The following COQ8B variants were observed in gnomAD, a reference collection of about 807,000 sequenced individuals.
The protein encoded by COQ8B is atypical kinase COQ8B, mitochondrial.
COQ8B carries 44 observed loss-of-function variants against 62.0 expected under a neutral mutation model. The ratio of observed to expected loss-of-function variants is 0.71; its 90% CI spans 0.56 to 0.91. The LOEUF (loss-of-function observed/expected upper bound fraction) is 0.91. COQ8B is among the 40% of genes least tolerant of loss of function. COQ8B has a pLI of 0.00. For missense variants in COQ8B, 649 were observed against 731.6 expected (o/e 0.89, Z 1.30); for synonymous variants, 252 against 289.9 (o/e 0.87, Z 1.33).
In COQ8B at chr19:40,693,009, C is replaced by T; in HGVS notation, c.1238G>A (p.Arg413Lys). 1.2e-6 allele frequency: 2 copies of T among 1,614,042 alleles called. No individual in the cohort carries two copies. Among genetic ancestry groups the T allele is most frequent in the Non-Finnish European group, 1.7e-6 (2 of 1,179,918 alleles). Reference sequence around the variant, plus strand: ...CCTGGACTTCTGCAGGACACAGTCTCTGTCTCCATCAGCTGCAGCCTTCAC... The same window carrying T: ...CCTGGACTTCTGCAGGACACAGTCTTTGTCTCCATCAGCTGCAGCCTTCAC... ...EVVKAAADGD[R>K]DCVLQKSRDL... The change falls in exon 14 of 15, where the codon AGA becomes AAA. Residue 413 changes from arginine (R) to lysine (K), a missense_variant. Coordinates refer to ENST00000324464, the MANE Select transcript of COQ8B (RefSeq NM_024876.4).
rs201827222 is a variant in COQ8B at position 40,703,573 on chromosome 19, G to T, written c.767C>A (p.Ala256Glu). 1 of 1,609,776 alleles carries T rather than the reference G, an allele frequency of 6.2e-7. No homozygotes were observed. Residue 256 changes from alanine to glutamate, a missense_variant, in exon 9 of 15, where the codon GCG becomes GAG. Coordinates refer to ENST00000324464, the MANE Select transcript of COQ8B (RefSeq NM_024876.4). ...CAGGGCCGCGCTCATCTTGAGTACC[G>T]CCAGCAGGTTCTGGACATCGCTCTG... Reference protein sequence around the residue: ...SIQSDVQNLLAVLKMSAALPA... With the variant: ...SIQSDVQNLLEVLKMSAALPA...
chr19:40,699,586 G>A (rs1051960109), intron 12 of COQ8B, among the ~76,000 whole-genome samples: 7 of 152,202 alleles, frequency 4.6e-5, no homozygotes, highest in African/African-American at 2.4e-5. Context: ...TATGGATGAC[G>A]AGTGTGGTAG....
At chr19:40,696,522 A>G (rs1048157931) in intron 12 of COQ8B, among the ~76,000 whole-genome samples, 3 of 151,944 alleles carry the variant, frequency 2.0e-5, no homozygotes, top group Non-Finnish European at 2.9e-5. Context: ...AAAATTAGCC[A>G]GGTGCGGTGG....
Position 40,714,211 on chromosome 19 carries a change from C to T in COQ8B, c.222+67G>A, listed in dbSNP as rs367866820. The T allele has an allele frequency of 1.1e-4, 172 of 1,606,920 alleles. No individual in the cohort carries two copies. In the African/African-American group the frequency reaches 1.8e-3, roughly 17 times the overall value. ...GAGTGCAGCCACTCTGCCACCACAC[C>T]CTTCCCCAAGCTCAGGGGGCCAGCA... On this transcript the variant is annotated intron_variant, in intron 3 of 14. Coordinates refer to ENST00000324464, the MANE Select transcript of COQ8B (RefSeq NM_024876.4).
At chr19:40,707,419 T>C (rs1466312572) in intron 5 of COQ8B, among the ~76,000 whole-genome samples, 1 of 152,036 alleles carries the variant, frequency 6.6e-6, no homozygotes, top group Non-Finnish European at 1.5e-5. Flanking sequence ...AATCATTCAA[T>C]ATGTGGTTTT....
At chr19:40,709,829 G>T (rs762669010) in intron 5 of COQ8B, among the ~76,000 whole-genome samples, 1 of 151,998 alleles carries the variant, frequency 6.6e-6, no homozygotes, top group Non-Finnish European at 1.5e-5. Context: ...GCGACAGAGT[G>T]AGACTCCATC....
chr19:40,693,712 G>A (rs1465848012), intron 13 of COQ8B, among the ~76,000 whole-genome samples: 2 of 152,162 alleles, frequency 1.3e-5, no homozygotes, highest in South Asian at 2.1e-4. Context: ...CTTCCTCATG[G>A]GGCTGTTGGG....
intron 1 of COQ8B, 98 bp from the exon 2 acceptor site, chr19:40,714,733 A>C: frequency 7.5e-7 from 1 of 1,325,804 alleles, no homozygotes; most frequent in Non-Finnish European, 1.0e-6. Flanking sequence ...ATTCCCACCC[A>C]CTAAATACTT....
chr19:40,691,746 A>G lies in COQ8B; in HGVS notation c.*289T>C, dbSNP rs939405465. ...CCCCCTGATGAGTCTGATCTGCATA[A>G]CGACATGCAGCGGCCCAAGGCTCCC... On this transcript the variant is annotated 3_prime_UTR_variant, in exon 15 of 15. Coordinates refer to ENST00000324464, the MANE Select transcript of COQ8B (RefSeq NM_024876.4). 1.9e-5 allele frequency: 6 copies of G among 308,700 alleles called. No individual in the cohort carries two copies. Among genetic ancestry groups the G allele is most frequent in the African/African-American group, 1.3e-4 (6 of 47,472 alleles). 19.1% of individuals were successfully genotyped at this position (308,700 alleles called of 1,614,324 possible). A position where few individuals can be genotyped will look rare whatever the true frequency, so the allele number is the denominator to read the frequency against.
In COQ8B at chr19:40,702,627, C is replaced by T. The variant is rs753935943; in HGVS notation, c.866G>A (p.Arg289His). The change falls in exon 10 of 15, where the codon CGT becomes CAT. Residue 289 changes from arginine (R) to histidine (H), a missense_variant. Arg to His is a conservative substitution (Grantham distance 29). Coordinates refer to ENST00000324464, the MANE Select transcript of COQ8B (RefSeq NM_024876.4). The part of the protein sequence containing the change: ...QELAWECDYR[R>H]EAACAQNFRQ... ...GAAATTCTGGGCACAAGCCGCCTCACGACGGTAGTCACACTCCCAAGCCAG... is the reference window on the plus strand; with the variant it reads ...GAAATTCTGGGCACAAGCCGCCTCATGACGGTAGTCACACTCCCAAGCCAG... The T allele has an allele frequency of 2.0e-5, 33 of 1,612,586 alleles. No individual in the cohort carries two copies. The highest frequency in any genetic ancestry group is 4.0e-5 in the African/African-American group (3 of 74,906).
At chr19:40,698,605 G>A (rs1325450628) in intron 12 of COQ8B, among the ~76,000 whole-genome samples, 1 of 152,090 alleles carries the variant, frequency 6.6e-6, no homozygotes. Flanking sequence ...CTTGGAGTTG[G>A]GTAAACATAT....
intron 10 of COQ8B, chr19:40,701,092 C>T (rs536215405): frequency 6.6e-6 from 1 of 152,382 alleles, no homozygotes; most frequent in Non-Finnish European, 1.5e-5. Flanking sequence ...GTTTGAGACA[C>T]CGAGGTGGGA....
chr19:40,697,990 C>T (rs544575425), intron 12 of COQ8B, among the ~76,000 whole-genome samples: 3 of 150,380 alleles, frequency 2.0e-5, no homozygotes, highest in South Asian at 4.2e-4. Context: ...CCAAGGCAGG[C>T]GGATCACCTG....
chr19:40,692,458 C>T lies in COQ8B; in HGVS notation c.1297-85G>A, dbSNP rs935485112. ...TAACCCAGAAACAACGTGTAGCCTC[C>T]ACTCCCTCCAGTCTCCACCATCAAC... On this transcript the variant is annotated intron_variant, in intron 14 of 14. Transcript: ENST00000324464. The T allele has an allele frequency of 4.1e-5, 49 of 1,189,526 alleles. No homozygotes were observed. In the Admixed American group the frequency reaches 7.2e-4, roughly 17 times the overall value. 73.7% of individuals were successfully genotyped at this position (1,189,526 alleles called of 1,614,324 possible).
At chr19:40,705,531 C>G in intron 5 of COQ8B, 84 bp from the exon 6 acceptor site, 1 of 1,412,954 alleles carries the variant, frequency 7.1e-7, no homozygotes, top group Non-Finnish European at 9.3e-7. Context: ...GTAATCCCAG[C>G]ACTTTGGGAG....
At chr19:40,703,162 C>T (rs2082074206) in intron 9 of COQ8B, among the ~76,000 whole-genome samples, 1 of 152,056 alleles carries the variant, frequency 6.6e-6, no homozygotes, top group Non-Finnish European at 1.5e-5. Context: ...TTTCCCTCTC[C>T]CTCTCCGTCT....
At chr19:40,706,429 T>C (rs898903372) in intron 5 of COQ8B, among the ~76,000 whole-genome samples, 1 of 152,236 alleles carries the variant, frequency 6.6e-6, no homozygotes, top group Non-Finnish European at 1.5e-5. Flanking sequence ...TGATGGAATG[T>C]GTACGTGTGT....
intron 7 of COQ8B, chr19:40,704,113 A>T (rs2144700240): frequency 1.1e-4 from 38 of 355,970 alleles, no homozygotes; most frequent in Non-Finnish European, 1.5e-4. Context: ...TGTTGTGGGG[A>T]TTGCTATTAT....
At chr19:40,703,404 T>C in intron 9 of COQ8B, 137 bp downstream of exon 9, 1 of 877,764 alleles carries the variant, frequency 1.1e-6, no homozygotes, top group South Asian at 1.8e-5. Context: ...CGCCTTGGTG[T>C]CCTTTCTGTC....
Sources: gnomAD v4.1 joint callset for allele counts (sites outside exome capture counted in the v4.1 genomes callset) on GRCh38, gnomAD v4.1.1 for gene constraint, MANE v1.5 for transcripts, NCBI Gene and HGNC (gene_info 2026-07-23, HGNC 2026-07-21) for gene names.